The following NBAS variants were observed in gnomAD, a reference collection of about 807,000 sequenced individuals.
The protein encoded by NBAS is NBAS subunit of NRZ tethering complex.
In NBAS, 219 loss-of-function variants were observed where a neutral mutation model predicts 302.5. The ratio of observed to expected loss-of-function variants is 0.72; its 90% confidence interval spans 0.65 to 0.81. The LOEUF is 0.81. NBAS is among the 30% of genes least tolerant of loss of function. NBAS has a pLI of 0.00. For missense variants in NBAS, 2,932 were observed against 2,841.6 expected (o/e 1.03, Z -0.72); for synonymous variants, 1,118 against 1,021.6 (o/e 1.09, Z -1.80).
At chr2:14,971,485 A>G in the NBAS span, among the ~76,000 whole-genome samples, 8 of 152,228 alleles carry the variant, frequency 5.3e-5, no homozygotes, top group African/African-American at 1.9e-4. Flanking sequence ...ACTGCACTCC[A>G]GCCTGGGCGA....
chr2:15,309,584 T>G (rs1671187016), intron 38 of NBAS, among the ~76,000 whole-genome samples: 1 of 152,188 alleles, frequency 6.6e-6, no homozygotes. Flanking sequence ...CAAAATTGTG[T>G]ATCAATGTTA....
intron 25 of NBAS, among the ~76,000 whole-genome samples, chr2:15,406,671 A>G (rs1221272893): frequency 6.6e-6 from 1 of 152,200 alleles, no homozygotes; most frequent in Admixed American, 6.5e-5. Flanking sequence ...GGTTAGTTAC[A>G]CGAATATGTA....
intron 31 of NBAS, among the ~76,000 whole-genome samples, chr2:15,367,926 A>G (rs1459644775): frequency 1.3e-5 from 2 of 152,196 alleles, no homozygotes; most frequent in African/African-American, 4.8e-5. Flanking sequence ...ATGTGCAATC[A>G]TGCATGCATA....
At chr2:15,029,218 C>T in the NBAS span, among the ~76,000 whole-genome samples, 1 of 152,188 alleles carries the variant, frequency 6.6e-6, no homozygotes, top group South Asian at 2.1e-4. Context: ...TCGTAGAGAA[C>T]TCTCTAAAAA....
intron 32 of NBAS, among the ~76,000 whole-genome samples, chr2:15,358,469 T>A (rs1190294203): frequency 6.6e-6 from 1 of 152,054 alleles, no homozygotes; most frequent in Non-Finnish European, 1.5e-5. Context: ...TTTAGAGATG[T>A]GGTTTCTCTC....
intron 48 of NBAS, among the ~76,000 whole-genome samples, chr2:15,209,379 C>T (rs1288814093): frequency 6.6e-6 from 1 of 152,046 alleles, no homozygotes; most frequent in African/African-American, 2.4e-5. Flanking sequence ...AAGAATAATA[C>T]CAATCCTATT....
At chr2:15,060,587 G>A in the NBAS span, among the ~76,000 whole-genome samples, 1 of 152,134 alleles carries the variant, frequency 6.6e-6, no homozygotes, top group Non-Finnish European at 1.5e-5. Context: ...GGTCCCAGGA[G>A]GCAGATGAGG....
At chr2:15,017,518 C>CAA in the NBAS span, among the ~76,000 whole-genome samples, 59,679 of 149,754 alleles carry the variant, frequency 0.4, 12,488 homozygotes, top group African/African-American at 0.47. Flanking sequence ...AGGTGTTGCT[C>CAA]AAAAAAAAAG....
At chr2:15,469,391 G>A (rs1222397483) in intron 16 of NBAS, among the ~76,000 whole-genome samples, 1 of 152,058 alleles carries the variant, frequency 6.6e-6, no homozygotes, top group Non-Finnish European at 1.5e-5. Flanking sequence ...CAGAGATTCT[G>A]GTATGTTGTG....
intron 35 of NBAS, among the ~76,000 whole-genome samples, chr2:15,348,264 G>A (rs1673185754): frequency 2.0e-5 from 3 of 152,294 alleles, no homozygotes. Context: ...GACAAAGGCA[G>A]ACAGGAAAGC....
At chr2:15,432,383 G>A (rs1167275073) in intron 21 of NBAS, among the ~76,000 whole-genome samples, 3 of 150,884 alleles carry the variant, frequency 2.0e-5, no homozygotes, top group Non-Finnish European at 4.4e-5. Flanking sequence ...CCTATTCATT[G>A]TTTTATTTCA....
the NBAS span, among the ~76,000 whole-genome samples, chr2:14,783,587 T>C: frequency 6.6e-6 from 1 of 151,090 alleles, no homozygotes; most frequent in South Asian, 2.1e-4. Context: ...TTTTTGTCCT[T>C]GCAATAGTTT....
the NBAS span, among the ~76,000 whole-genome samples, chr2:14,928,559 G>T: frequency 6.6e-6 from 1 of 151,968 alleles, no homozygotes; most frequent in Non-Finnish European, 1.5e-5. Context: ...CAAATAATAA[G>T]AATGATTTTT....
chr2:15,474,686 G>A (rs1348055566), intron 14 of NBAS, among the ~76,000 whole-genome samples: 4 of 151,850 alleles, frequency 2.6e-5, no homozygotes, highest in East Asian at 1.9e-4. Context: ...TCAGCCTCCC[G>A]AGTAGCTGGG....
At chr2:15,424,720 T>G (rs1156615028) in intron 22 of NBAS, among the ~76,000 whole-genome samples, 1 of 152,178 alleles carries the variant, frequency 6.6e-6, no homozygotes, top group Non-Finnish European at 1.5e-5. Flanking sequence ...AAAACGGCTA[T>G]GCCACAAATC....
At chr2:14,944,861 G>A in the NBAS span, among the ~76,000 whole-genome samples, 3 of 152,060 alleles carry the variant, frequency 2.0e-5, no homozygotes, top group Admixed American at 6.5e-5. Context: ...TTTCTATACC[G>A]GAAATGGTGA....
chr2:15,182,226 C>G (rs530698118), intron 50 of NBAS, among the ~76,000 whole-genome samples: 1 of 152,348 alleles, frequency 6.6e-6, no homozygotes, highest in Admixed American at 6.5e-5. Flanking sequence ...GGACTGTGAT[C>G]TCTACCAGCA....
chr2:15,380,680 A>T (rs944675572), intron 29 of NBAS, among the ~76,000 whole-genome samples: 2 of 152,196 alleles, frequency 1.3e-5, no homozygotes, highest in Non-Finnish European at 2.9e-5. Flanking sequence ...TTATATAAAC[A>T]AAGCAATCCT....
At chr2:15,201,255 G>A (rs922300759) in intron 48 of NBAS, among the ~76,000 whole-genome samples, 8 of 152,170 alleles carry the variant, frequency 5.3e-5, no homozygotes, top group Non-Finnish European at 1.0e-4. Flanking sequence ...TTGAGATGTC[G>A]TTGTATGCAA....
Sources: allele counts gnomAD v4.1 joint callset (sites outside exome capture counted in the v4.1 genomes callset), GRCh38; gene constraint gnomAD v4.1.1; transcripts MANE v1.5; gene names NCBI Gene and HGNC (gene_info 2026-07-23, HGNC 2026-07-21).